SV2C: variants seen among roughly 807,000 people sequenced by gnomAD.
The protein encoded by SV2C is synaptic vesicle glycoprotein 2C, also known as solute carrier family 22 member B3.
A neutral mutation model predicts 79.7 loss-of-function variants in SV2C; 49 were observed. That is an observed-to-expected ratio of 0.61 (90% CI 0.49 to 0.78). The LOEUF is 0.78. SV2C is among the 30% of genes least tolerant of loss of function. The probability of loss-of-function intolerance (pLI) is 0.00; values close to 1 mark genes in which losing one functional copy is unlikely to be tolerated. For synonymous variants in SV2C, 334 were observed against 333.2 expected, an observed-to-expected ratio of 1.00 and a Z score of -0.03; for missense variants, 833 against 912.9, an observed-to-expected ratio of 0.91 and a Z score of 1.13.
chr5:76,071,807 C>T, the SV2C span, among the ~76,000 whole-genome samples: 1 of 152,188 alleles, frequency 6.6e-6, no homozygotes, highest in African/African-American at 2.4e-5. Context: ...TTATACAAGA[C>T]AAATTCTGAA....
chr5:76,036,988 A>G, the SV2C span, among the ~76,000 whole-genome samples: 1 of 151,848 alleles, frequency 6.6e-6, no homozygotes, highest in Non-Finnish European at 1.5e-5. Flanking sequence ...GCTTCATTTC[A>G]TTCATTTCAT....
At chr5:76,160,824 A>G (rs1039720602) in intron 2 of SV2C, among the ~76,000 whole-genome samples, 6 of 152,216 alleles carry the variant, frequency 3.9e-5, no homozygotes, top group African/African-American at 1.4e-4. Context: ...TTGAAACCAG[A>G]GAAGATACCC....
chr5:76,338,410 G>A (rs1749368391), downstream of SV2C, among the ~76,000 whole-genome samples: 1 of 152,206 alleles, frequency 6.6e-6, no homozygotes, highest in South Asian at 2.1e-4. Context: ...AGATTTCCAA[G>A]GAAACTGCAT....
intron 1 of SV2C, among the ~76,000 whole-genome samples, chr5:76,086,983 T>A (rs1009789375): frequency 6.6e-6 from 1 of 152,238 alleles, no homozygotes. Flanking sequence ...GATTTGGTCC[T>A]TTCTAGTTCT....
chr5:75,863,742 A>G, the SV2C span, among the ~76,000 whole-genome samples: 2 of 152,224 alleles, frequency 1.3e-5, no homozygotes, highest in African/African-American at 4.8e-5. Flanking sequence ...CGATGTTCCG[A>G]TAGTGAAACA....
At chr5:76,308,085 C>G (rs1178778672) in intron 12 of SV2C, among the ~76,000 whole-genome samples, 1 of 152,158 alleles carries the variant, frequency 6.6e-6, no homozygotes, top group Non-Finnish European at 1.5e-5. Context: ...GTATGACAAA[C>G]AGTTTCTGAT....
intron 12 of SV2C, among the ~76,000 whole-genome samples, chr5:76,316,921 A>G (rs1684337837): frequency 6.6e-6 from 1 of 152,090 alleles, no homozygotes; most frequent in Non-Finnish European, 1.5e-5. Context: ...TGTTACCATG[A>G]TCTCGTCTCA....
At chr5:76,016,544 C>G in the SV2C span, among the ~76,000 whole-genome samples, 1 of 152,298 alleles carries the variant, frequency 6.6e-6, no homozygotes, top group African/African-American at 2.4e-5. Flanking sequence ...ATCTTACTAT[C>G]TCCATGGCCT....
chr5:76,312,912 C>T (rs1231729705), intron 12 of SV2C, among the ~76,000 whole-genome samples: 1 of 152,170 alleles, frequency 6.6e-6, no homozygotes, highest in African/African-American at 2.4e-5. Context: ...AAACATTTTC[C>T]CAGAATTAAG....
upstream of SV2C, among the ~76,000 whole-genome samples, chr5:76,082,548 C>CCCT (rs1055353699): frequency 1.3e-5 from 2 of 151,588 alleles, no homozygotes; most frequent in Non-Finnish European, 2.9e-5. Flanking sequence ...CTCTCTTTCT[C>CCCT]CCTCCTCCTC....
chr5:76,152,252 A>G lies in SV2C; in HGVS notation c.580+19922A>G, dbSNP rs931198049. 2.7e-4 allele frequency among the ~76,000 whole-genome samples: 41 copies of G among 152,226 alleles called. 1 individual carries two copies. Among genetic ancestry groups the G allele is most frequent in the African/African-American group, 9.6e-4 (40 of 41,452 alleles). On this transcript the variant is annotated intron_variant, in intron 2 of 12. Coordinates refer to ENST00000502798, the MANE Select transcript of SV2C (RefSeq NM_014979.4). ...GTTTTAATGTAGATTTTTAAAGGGA[A>G]GGAAACAAGTCAGTGTTTAAACATT...
chr5:76,350,050 A>G (rs563197917), intron 12 of SV2C, among the ~76,000 whole-genome samples: 1 of 152,272 alleles, frequency 6.6e-6, no homozygotes, highest in South Asian at 2.1e-4. Flanking sequence ...TTCTGGTTTT[A>G]TGGACTCAAG....
chr5:76,150,863 C>T (rs113480644), intron 2 of SV2C, among the ~76,000 whole-genome samples: 9,702 of 151,722 alleles, frequency 0.064, 379 homozygotes, highest in African/African-American at 0.08. Flanking sequence ...TGGTCTTGAA[C>T]TCCGAGCCTC....
chr5:76,145,459 G>A lies in SV2C; in HGVS notation c.580+13129G>A, dbSNP rs376201096. On this transcript the variant is annotated intron_variant, in intron 2 of 12. Coordinates refer to ENST00000502798, the MANE Select transcript of SV2C (RefSeq NM_014979.4). ...ATATTTAAATTTAGATAATTATGATGTCCAAAGAGAAGAGAAAGAGATGCT... is the reference window on the plus strand; with the variant it reads ...ATATTTAAATTTAGATAATTATGATATCCAAAGAGAAGAGAAAGAGATGCT... 3.3e-5 allele frequency among the ~76,000 whole-genome samples: 5 copies of A among 152,282 alleles called. 1 individual carries two copies. In the South Asian group the frequency reaches 1.0e-3, roughly 32 times the overall value.
the SV2C span, among the ~76,000 whole-genome samples, chr5:75,952,294 C>CCTTT: frequency 3.6e-5 from 5 of 138,658 alleles, no homozygotes; most frequent in East Asian, 9.8e-4. Context: ...TTCCTTTCTT[C>CCTTT]CTTCCTTCCT....
At chr5:76,285,139 C>T in intron 4 of SV2C, 23 bp from the exon 5 acceptor site, 1 of 1,612,942 alleles carries the variant, frequency 6.2e-7, no homozygotes, top group African/African-American at 1.3e-5. Context: ...CTCTCCCTCA[C>T]TCTCCGTGTC....
At chr5:76,144,641 C>A (rs1423947405) in intron 2 of SV2C, among the ~76,000 whole-genome samples, 1 of 152,036 alleles carries the variant, frequency 6.6e-6, no homozygotes, top group Admixed American at 6.6e-5. Context: ...TGAGGAGATA[C>A]AAAAGGAGAA....
the SV2C span, among the ~76,000 whole-genome samples, chr5:75,912,213 A>T: frequency 2.6e-5 from 4 of 152,212 alleles, no homozygotes; most frequent in Non-Finnish European, 4.4e-5. Context: ...ACAGAAACAT[A>T]AGCACACATA....
chr5:76,126,730 G>C (rs561624514), intron 1 of SV2C, among the ~76,000 whole-genome samples: 2 of 152,176 alleles, frequency 1.3e-5, no homozygotes, highest in East Asian at 3.9e-4. Flanking sequence ...GAGTCTGCTG[G>C]CATGGGGGCT....
Sources: allele counts gnomAD v4.1 joint callset (sites outside exome capture counted in the v4.1 genomes callset), GRCh38; gene constraint gnomAD v4.1.1; transcripts MANE v1.5; gene names NCBI Gene and HGNC (gene_info 2026-07-23, HGNC 2026-07-21).